The following WDR70 variants were observed in gnomAD, a reference collection of about 807,000 sequenced individuals.
The protein encoded by WDR70 is WD repeat domain 70, also known as WD repeat-containing protein 70.
Under a neutral mutation model 88.6 loss-of-function variants are expected in WDR70, and 53 were observed. The observed-to-expected ratio is 0.60, with a 90% CI of 0.48 to 0.75. WDR70 has a LOEUF of 0.75. Among genes scored for constraint, WDR70 ranks in the 30% least tolerant of loss-of-function variants. The pLI, the probability that WDR70 is intolerant of heterozygous loss-of-function variation, is 0.00. For missense variants in WDR70, 610 were observed against 823.2 expected, an observed-to-expected ratio of 0.74 and a Z score of 3.17; for synonymous variants, 280 against 270.0, an observed-to-expected ratio of 1.04 and a Z score of -0.36.
intron 9 of WDR70, among the ~76,000 whole-genome samples, chr5:37,574,730 C>A (rs760384726): frequency 6.6e-6 from 1 of 152,130 alleles, no homozygotes; most frequent in South Asian, 2.1e-4. Flanking sequence ...TTCTCCAAAC[C>A]GGTAGCTCTC....
At chr5:37,579,893 C>G (rs919939199) in intron 9 of WDR70, among the ~76,000 whole-genome samples, 2 of 152,088 alleles carry the variant, frequency 1.3e-5, no homozygotes, top group East Asian at 3.8e-4. Context: ...CCTTAACACT[C>G]CGTTTTAATT....
chr5:37,623,596 C>A (rs1216303642), intron 10 of WDR70, among the ~76,000 whole-genome samples: 1 of 152,094 alleles, frequency 6.6e-6, no homozygotes, highest in Non-Finnish European at 1.5e-5. Context: ...TCATAGAGCT[C>A]AAGTTAATAC....
At chr5:37,628,801 G>A (rs1297437298) in intron 10 of WDR70, among the ~76,000 whole-genome samples, 1 of 152,050 alleles carries the variant, frequency 6.6e-6, no homozygotes. Context: ...ATGGTTAGGT[G>A]GTTTTCTCTA....
intron 17 of WDR70, among the ~76,000 whole-genome samples, chr5:37,750,168 T>C (rs13188890): frequency 0.79 from 120,432 of 152,132 alleles, 52,716 homozygotes; most frequent in East Asian, 1. Flanking sequence ...TATGTAGTTT[T>C]GTTGATTCTG....
intron 3 of WDR70, among the ~76,000 whole-genome samples, chr5:37,385,518 C>CA (rs1160087859): frequency 0.54 from 36,338 of 67,920 alleles, 9,558 homozygotes; most frequent in Non-Finnish European, 0.59. Context: ...GAGCCTGTCT[C>CA]AAAAAAAAAA....
chr5:37,708,232 A>G (rs980081687), intron 13 of WDR70, among the ~76,000 whole-genome samples: 2 of 151,054 alleles, frequency 1.3e-5, no homozygotes, highest in Non-Finnish European at 3.0e-5. Flanking sequence ...CATGTTCTCT[A>G]AAAAAGAAAA....
chr5:37,464,399 A>G (rs184545809), intron 7 of WDR70, among the ~76,000 whole-genome samples: 3 of 152,314 alleles, frequency 2.0e-5, no homozygotes, highest in African/African-American at 7.2e-5. Context: ...CTGAAATTTG[A>G]TCTATCAGTC....
chr5:37,380,115 AGT>A (rs1424367403), intron 2 of WDR70, among the ~76,000 whole-genome samples: 1 of 152,246 alleles, frequency 6.6e-6, no homozygotes, highest in Non-Finnish European at 1.5e-5. Flanking sequence ...AACAAAACTT[AGT>A]AGACTGATAC....
rs530652390 is a variant in WDR70, at chr5:37,468,761, G to T, written c.687-11073G>T. ...AAATATTGGAAAAAAAATTGCATCT[G>T]TACTGAACATGTACACTTTTTTCTT... On this transcript the variant is annotated intron_variant, in intron 7 of 17. Coordinates refer to ENST00000265107, the MANE Select transcript of WDR70 (RefSeq NM_018034.4). Among the ~76,000 whole-genome samples the T allele has an allele frequency of 1.2e-4, 18 of 152,302 alleles. No homozygotes were observed. In the South Asian group the frequency reaches 3.5e-3, roughly 30 times the overall value.
chr5:37,687,275 C>A, intron 10 of WDR70, among the ~76,000 whole-genome samples: 1 of 152,068 alleles, frequency 6.6e-6, no homozygotes, highest in South Asian at 2.1e-4. Flanking sequence ...AATTGAAGAG[C>A]ACTTTTTGAT....
intron 10 of WDR70, among the ~76,000 whole-genome samples, chr5:37,685,896 C>T (rs942746555): frequency 2.6e-5 from 4 of 152,142 alleles, no homozygotes; most frequent in African/African-American, 9.7e-5. Flanking sequence ...CACACAAGTT[C>T]CCAGCTTCCT....
chr5:37,511,258 G>A (rs1740711813), intron 8 of WDR70, among the ~76,000 whole-genome samples: 1 of 151,964 alleles, frequency 6.6e-6, no homozygotes, highest in Admixed American at 6.6e-5. Flanking sequence ...GAAGAGCTTT[G>A]TTTGTTTGTA....
intron 7 of WDR70, among the ~76,000 whole-genome samples, chr5:37,467,876 A>G (rs1028812499): frequency 6.6e-6 from 1 of 151,336 alleles, no homozygotes; most frequent in African/African-American, 2.4e-5. Context: ...CACCGCGCCC[A>G]GCTAATTTTT....
intron 10 of WDR70, among the ~76,000 whole-genome samples, chr5:37,657,818 A>T (rs1745599750): frequency 6.6e-6 from 1 of 152,076 alleles, no homozygotes; most frequent in Non-Finnish European, 1.5e-5. Context: ...TTCTAACCAA[A>T]CAAGTCTGTA....
chr5:37,574,047 C>T (rs1369264633), intron 9 of WDR70, among the ~76,000 whole-genome samples: 1 of 152,026 alleles, frequency 6.6e-6, no homozygotes. Context: ...CAAGATTGGT[C>T]AAGCCTTCAG....
At chr5:37,438,573 T>A (rs1750553976) in intron 6 of WDR70, among the ~76,000 whole-genome samples, 2 of 152,060 alleles carry the variant, frequency 1.3e-5, no homozygotes, top group African/African-American at 4.8e-5. Context: ...GTTAAATGAG[T>A]GAAACATTCA....
chr5:37,502,319 A>G (rs1260426474), intron 8 of WDR70, among the ~76,000 whole-genome samples: 2 of 152,130 alleles, frequency 1.3e-5, no homozygotes, highest in Admixed American at 6.6e-5. Flanking sequence ...TATGATGAAT[A>G]GAAGTGTGGT....
At chr5:37,419,200 G>A (rs962632774) in intron 5 of WDR70, among the ~76,000 whole-genome samples, 3 of 147,856 alleles carry the variant, frequency 2.0e-5, no homozygotes, top group African/African-American at 5.2e-5. Context: ...TTCATTTTAC[G>A]TTAAAGTGTT....
intron 9 of WDR70, among the ~76,000 whole-genome samples, chr5:37,604,749 G>A (rs1463123546): frequency 2.6e-5 from 4 of 152,190 alleles, no homozygotes; most frequent in African/African-American, 9.6e-5. Context: ...TGGCTGATCA[G>A]GGGTAAAGTC....
Sources: allele counts gnomAD v4.1 joint callset (sites outside exome capture counted in the v4.1 genomes callset), GRCh38; gene constraint gnomAD v4.1.1; transcripts MANE v1.5; gene names NCBI Gene and HGNC (gene_info 2026-07-23, HGNC 2026-07-21).